DHX30: variants seen among roughly 807,000 people sequenced by gnomAD.
DHX30 encodes ATP-dependent RNA helicase DHX30.
A neutral mutation model predicts 116.9 loss-of-function variants in DHX30; 4 were observed. The observed-to-expected ratio is 0.03, with a 90% CI of 0.02 to 0.08. The LOEUF (loss-of-function observed/expected upper bound fraction) is 0.08. DHX30 is among the 10% of genes least tolerant of loss of function. The pLI is 1.00. For missense variants in DHX30, 871 were observed against 1,595.1 expected (o/e 0.55, Z 7.73); for synonymous variants, 697 against 651.7 (o/e 1.07, Z -1.06).
chr3:47,814,528 AGATT>A (rs1299730568), intron 3 of DHX30, among the ~76,000 whole-genome samples: 1 of 151,820 alleles, frequency 6.6e-6, no homozygotes, highest in Non-Finnish European at 1.5e-5. Flanking sequence ...TAAGACAAAA[AGATT>A]GTTTGAGCCA....
rs779768777 is a variant in DHX30, at chr3:47,847,381, C to G, written c.2005+33C>G. 5 of 1,614,114 alleles carry G rather than the reference C, an allele frequency of 3.1e-6. No individual in the cohort carries two copies. In the African/African-American group the frequency reaches 5.3e-5, roughly 17 times the overall value. On this transcript the variant is annotated intron_variant, in intron 12 of 21. Coordinates refer to ENST00000445061, the MANE Select transcript of DHX30 (RefSeq NM_138615.3). The surrounding 1 kb of genome is among the most constrained non-coding windows in gnomAD (Gnocchi z 5.5). Reference sequence around the variant, plus strand: ...CCTCCCCATCTGTCCCATGCTAGCCCTGGCCACGTTTGCAGCAACAGCTGG... The same window carrying G: ...CCTCCCCATCTGTCCCATGCTAGCCGTGGCCACGTTTGCAGCAACAGCTGG...
chr3:47,806,430 CCG>C (rs2035526882), intron 2 of DHX30, among the ~76,000 whole-genome samples: 1 of 150,674 alleles, frequency 6.6e-6, no homozygotes, highest in African/African-American at 2.4e-5. Context: ...GTGTGAGCCA[CCG>C]TGCCTGGCCA....
In DHX30 at chr3:47,803,163, C is replaced by T. The variant is rs1048798732; in HGVS notation, c.-172C>T. 200 of 394,020 alleles carry T rather than the reference C, an allele frequency of 5.1e-4. No individual in the cohort carries two copies. Among genetic ancestry groups the T allele is most frequent in the Middle Eastern group, 6.4e-4 (1 of 1,562 alleles). The allele number at this position is 394,020 out of a possible 1,614,324, so 24.4% of individuals were successfully genotyped here. ...GTAGTCCGGCCGTGGTTGGGGGAGCCGCGGCTCATGCGCGGTGCACAGAGG... is the reference window on the plus strand; with the variant it reads ...GTAGTCCGGCCGTGGTTGGGGGAGCTGCGGCTCATGCGCGGTGCACAGAGG... On this transcript the variant is annotated 5_prime_UTR_variant, in exon 1 of 22. Transcript: ENST00000445061.
intron 2 of DHX30, among the ~76,000 whole-genome samples, chr3:47,809,493 C>G (rs1385507332): frequency 1.3e-5 from 2 of 152,084 alleles, no homozygotes; most frequent in Non-Finnish European, 2.9e-5. Context: ...ATCCGCCCAC[C>G]TCGGCCTCCC....
chr3:47,813,509 C>CCTG (rs2035894549), intron 3 of DHX30, among the ~76,000 whole-genome samples: 1 of 152,116 alleles, frequency 6.6e-6, no homozygotes, highest in Non-Finnish European at 1.5e-5. Flanking sequence ...GGGGCCAGAT[C>CCTG]CTGAGAGCTT....
Position 47,825,185 on chromosome 3 carries a change from C to T in DHX30, c.125-2162C>T, listed in dbSNP as rs945737969. 6.0e-6 allele frequency: 4 copies of T among 661,210 alleles called. No homozygotes were observed. In the Admixed American group the frequency reaches 8.9e-5, roughly 15 times the overall value. 41.0% of individuals were successfully genotyped at this position (661,210 alleles called of 1,614,324 possible). A position where few individuals can be genotyped will look rare whatever the true frequency, so the allele number is the denominator to read the frequency against. ...CACCCCGACCACACCAAGGAAGCCGCCGAGGCCGAGTCAGGGATGGCCCCC... is the reference window on the plus strand; with the variant it reads ...CACCCCGACCACACCAAGGAAGCCGTCGAGGCCGAGTCAGGGATGGCCCCC... On this transcript the variant is annotated intron_variant, in intron 4 of 21. Transcript: ENST00000445061.
chr3:47,813,880 G>A (rs990946880), intron 3 of DHX30, among the ~76,000 whole-genome samples: 5 of 125,996 alleles, frequency 4.0e-5, no homozygotes, highest in Non-Finnish European at 6.6e-5. Flanking sequence ...ATTTATTTCT[G>A]TCATCCTGGG....
intron 6 of DHX30, among the ~76,000 whole-genome samples, chr3:47,836,587 C>T (rs1337473922): frequency 6.6e-6 from 1 of 151,630 alleles, no homozygotes; most frequent in African/African-American, 2.4e-5. Flanking sequence ...GGCGCAATCT[C>T]GGCTCACTGC....
At chr3:47,835,798 T>G (rs1313487919) in intron 6 of DHX30, among the ~76,000 whole-genome samples, 2 of 152,142 alleles carry the variant, frequency 1.3e-5, no homozygotes, top group Non-Finnish European at 2.9e-5. Flanking sequence ...ATAATTTTAC[T>G]TCTTTCTTTC....
chr3:47,847,308 G>A lies in DHX30; in HGVS notation c.1965G>A (p.Val655=), dbSNP rs1367926748. ...AATGCGCACTCGATTTGGACCTTGT[G>A]ACTGATCTGGTTCTGCACATCGATG... The part of the protein sequence containing the change: ...EDECALDLDL[V]TDLVLHIDAR... Residue 655 remains valine, a synonymous_variant, in exon 12 of 22, where the codon GTG becomes GTA. Transcript: ENST00000445061. The surrounding 1 kb of genome is among the most constrained non-coding windows in gnomAD (Gnocchi z 5.5). 1.2e-6 allele frequency: 2 copies of A among 1,614,096 alleles called. No individual in the cohort carries two copies. Among genetic ancestry groups the A allele is most frequent in the Admixed American group, 1.7e-5 (1 of 60,008 alleles).
At position 47,849,932 on chromosome 3, in the gene DHX30, C is replaced by A; in HGVS notation, c.3397C>A (p.Arg1133Ser). 3.1e-6 allele frequency: 5 copies of A among 1,613,272 alleles called. No homozygotes were observed. Among genetic ancestry groups the A allele is most frequent in the Non-Finnish European group, 4.2e-6 (5 of 1,179,850 alleles). Reference sequence around the variant, plus strand: ...CCTGCTGCGGCTGGAGGGTGACTCGCGTACCGTGCGGCTGCTGAAGGAGCT... The same window carrying A: ...CCTGCTGCGGCTGGAGGGTGACTCGAGTACCGTGCGGCTGCTGAAGGAGCT... ...SDLLRLEGDS[R>S]TVRLLKELRR... is the part of the protein sequence containing the mutation. The change falls in exon 22 of 22, where the codon CGT (arginine) becomes AGT (serine). Residue 1133 changes from arginine to serine, a missense_variant. By Grantham distance (110) the Arg-to-Ser change is moderately radical. Transcript: ENST00000445061.
intron 2 of DHX30, among the ~76,000 whole-genome samples, chr3:47,808,521 T>G (rs1373817978): frequency 1.3e-5 from 2 of 151,936 alleles, no homozygotes; most frequent in Non-Finnish European, 2.9e-5. Flanking sequence ...CCTAGCCAGT[T>G]TACCATTTCG....
At chr3:47,825,767 T>C (rs1178274972) in intron 4 of DHX30, 1 of 152,260 alleles carries the variant, frequency 6.6e-6, no homozygotes, top group Non-Finnish European at 1.5e-5. Context: ...GGCGGGGTGG[T>C]GGTCTCAGTG....
rs960242314 is a variant in DHX30 at position 47,847,094 on chromosome 3, T to G, written c.1929+93T>G. The G allele has an allele frequency of 1.1e-5, 16 of 1,516,792 alleles. No homozygotes were observed. The highest frequency in any genetic ancestry group is 2.5e-5 in the South Asian group (2 of 81,304). 94.0% of individuals were successfully genotyped at this position (1,516,792 alleles called of 1,614,324 possible). A position where few individuals can be genotyped will look rare whatever the true frequency, so the allele number is the denominator to read the frequency against. Reference sequence around the variant, plus strand: ...CCTGGGGCTTGGTGCCTGGGGCAAGTTACCCTCCCCAGTCCTCGGTTTCCT... The same window carrying G: ...CCTGGGGCTTGGTGCCTGGGGCAAGGTACCCTCCCCAGTCCTCGGTTTCCT... On this transcript the variant is annotated intron_variant, in intron 11 of 21. Coordinates refer to ENST00000445061, the MANE Select transcript of DHX30 (RefSeq NM_138615.3). The surrounding 1 kb of genome is among the most constrained non-coding windows in gnomAD (Gnocchi z 5.5).
At chr3:47,841,882 G>A in intron 8 of DHX30, 145 bp downstream of exon 8, 1 of 1,164,076 alleles carries the variant, frequency 8.6e-7, no homozygotes, top group East Asian at 2.4e-5. Flanking sequence ...TGCTTGGGAG[G>A]AAAAGCAGCA....
At chr3:47,827,301 T>C (rs1248288447) in intron 4 of DHX30, 46 bp from the exon 5 acceptor site, 22 of 1,565,222 alleles carry the variant, frequency 1.4e-5, no homozygotes, top group Non-Finnish European at 1.9e-5. Context: ...ATGGAGTTTT[T>C]AAAAGAAAAA....
At chr3:47,832,962 T>TC (rs1433050616) in intron 6 of DHX30, among the ~76,000 whole-genome samples, 83 of 148,752 alleles carry the variant, frequency 5.6e-4, no homozygotes, top group Non-Finnish European at 9.5e-4. Flanking sequence ...TTTTTTTTTT[T>TC]CCTGTAGAGA....
chr3:47,834,229 G>A (rs1408846425), intron 6 of DHX30, among the ~76,000 whole-genome samples: 2 of 152,056 alleles, frequency 1.3e-5, no homozygotes, highest in East Asian at 1.9e-4. Flanking sequence ...TCAGCCTCCC[G>A]AGTAGCTGGG....
intron 8 of DHX30, 77 bp from the exon 9 acceptor site, chr3:47,843,029 C>T: frequency 6.4e-7 from 1 of 1,554,614 alleles, no homozygotes; most frequent in Non-Finnish European, 8.8e-7. Flanking sequence ...CTCTGGGCTC[C>T]TTGGCATTCT....
Sources: gnomAD v4.1 joint callset for allele counts (sites outside exome capture counted in the v4.1 genomes callset) on GRCh38, gnomAD v4.1.1 for gene constraint, Gnocchi (gnomAD v3.1) non-coding constraint, MANE v1.5 for transcripts, NCBI Gene and HGNC (gene_info 2026-07-23, HGNC 2026-07-21) for gene names.